The following USP2 variants were observed in gnomAD, a reference collection of about 807,000 sequenced individuals.
The protein encoded by USP2 is ubiquitin carboxyl-terminal hydrolase 2.
A neutral mutation model predicts 72.0 loss-of-function variants in USP2; 33 were observed. The ratio of observed to expected loss-of-function variants is 0.46; its 90% CI spans 0.35 to 0.61. The LOEUF (loss-of-function observed/expected upper bound fraction) is 0.61, where lower values mean the gene tolerates loss of function less well. Ranked by LOEUF, USP2 falls within the 20% of genes least tolerant of loss-of-function variation. The pLI, the probability that USP2 is intolerant of heterozygous loss-of-function variation, is 0.01. For synonymous variants in USP2, 296 were observed against 312.5 expected, an observed-to-expected ratio of 0.95 and a Z score of 0.56; for missense variants, 691 against 797.8, an observed-to-expected ratio of 0.87 and a Z score of 1.61.
At chr11:119,378,876 C>G (rs890356862) in intron 1 of USP2, 11 of 573,866 alleles carry the variant, frequency 1.9e-5, no homozygotes, top group Non-Finnish European at 2.4e-5. Context: ...TCCGGAGGAG[C>G]CTTTGGTCTT....
chr11:119,369,968 C>T (rs1399100296), intron 2 of USP2, among the ~76,000 whole-genome samples: 1 of 152,058 alleles, frequency 6.6e-6, no homozygotes, highest in African/African-American at 2.4e-5. Context: ...CACCTGAGGT[C>T]AGTTCAAGAC....
chr11:119,376,207 G>A (rs956327185), intron 1 of USP2: 44 of 985,488 alleles, frequency 4.5e-5, no homozygotes, highest in Non-Finnish European at 5.2e-5. Context: ...GCCTGGGTTG[G>A]TGCCCCTTGG....
At chr11:119,359,489 G>C in intron 4 of USP2, 48 bp downstream of exon 4, 5 of 1,610,916 alleles carry the variant, frequency 3.1e-6, no homozygotes, top group Non-Finnish European at 4.2e-6. Flanking sequence ...CAGTGGAGTG[G>C]AGGAGCATCC....
intron 2 of USP2, among the ~76,000 whole-genome samples, chr11:119,369,584 C>G (rs904751174): frequency 6.6e-6 from 1 of 152,138 alleles, no homozygotes; most frequent in African/African-American, 2.4e-5. Context: ...TCTATGATCT[C>G]TTTTCCCCCC....
At chr11:119,367,604 C>G (rs78312300) in intron 2 of USP2, among the ~76,000 whole-genome samples, 1 of 152,156 alleles carries the variant, frequency 6.6e-6, no homozygotes, top group African/African-American at 2.4e-5. Flanking sequence ...TCAGCCCATC[C>G]TCCCCACTCT....
intron 1 of USP2, chr11:119,378,994 G>A (rs1240912158): frequency 4.1e-6 from 4 of 985,308 alleles, no homozygotes; most frequent in Non-Finnish European, 4.8e-6. Flanking sequence ...ATACCAAAGG[G>A]GCAGCTACTG....
In USP2 at chr11:119,356,755, G is replaced by T; in HGVS notation, c.*80C>A. On this transcript the variant is annotated 3_prime_UTR_variant, in exon 13 of 13. Coordinates refer to ENST00000260187, the MANE Select transcript of USP2 (RefSeq NM_004205.5). The stretch of plus-strand genomic sequence containing the variant: ...CTTGTCAGGTTTGTGTGTTGTTGTT[G>T]TTGTTTTGTTTTTGTCTTTTTAAAA... 1 of 1,334,740 alleles carries T rather than the reference G, an allele frequency of 7.5e-7. No individual in the cohort carries two copies. The highest frequency in any genetic ancestry group is 1.0e-6 in the Non-Finnish European group (1 of 980,218). The allele number at this position is 1,334,740 out of a possible 1,614,324, so 82.7% of individuals were successfully genotyped here. A position where few individuals can be genotyped will look rare whatever the true frequency, so the allele number is the denominator to read the frequency against.
At chr11:119,365,180 G>A (rs1321827259) in intron 2 of USP2, among the ~76,000 whole-genome samples, 1 of 152,180 alleles carries the variant, frequency 6.6e-6, no homozygotes, top group Non-Finnish European at 1.5e-5. Context: ...CCAAGAGGCA[G>A]CAGTGTATGC....
At chr11:119,369,931 C>T (rs905921632) in intron 2 of USP2, among the ~76,000 whole-genome samples, 11 of 152,152 alleles carry the variant, frequency 7.2e-5, no homozygotes, top group Admixed American at 2.0e-4. Flanking sequence ...GTAATCTCAG[C>T]GCTTTGGGAG....
chr11:119,361,976 G>A (rs1950771684), intron 2 of USP2, among the ~76,000 whole-genome samples: 1 of 152,198 alleles, frequency 6.6e-6, no homozygotes, highest in Non-Finnish European at 1.5e-5. Context: ...CGCTGCAAAA[G>A]TCTCCATGTT....
At chr11:119,368,877 G>A (rs1395421463) in intron 2 of USP2, among the ~76,000 whole-genome samples, 2 of 152,238 alleles carry the variant, frequency 1.3e-5, no homozygotes, top group African/African-American at 4.8e-5. Flanking sequence ...CGGGCAGAAT[G>A]CCAGGGCTAG....
At chr11:119,360,936 ATTTG>A (rs1950753518) in intron 2 of USP2, among the ~76,000 whole-genome samples, 1 of 152,210 alleles carries the variant, frequency 6.6e-6, no homozygotes, top group Non-Finnish European at 1.5e-5. Context: ...AATGACCTAT[ATTTG>A]TACTCCTAGA....
At chr11:119,357,099 G>GCATTAAAAAA (rs1950672479) in intron 12 of USP2, 88 bp downstream of exon 12, 1 of 1,239,320 alleles carries the variant, frequency 8.1e-7, no homozygotes, top group Admixed American at 2.5e-5. Flanking sequence ...CGGGGGGTGG[G>GCATTAAAAAA]AGGGGGGTGG....
chr11:119,374,614 C>T (rs1036536654), intron 1 of USP2, among the ~76,000 whole-genome samples: 2 of 152,194 alleles, frequency 1.3e-5, no homozygotes, highest in African/African-American at 2.4e-5. Flanking sequence ...TTACCTCCCC[C>T]GCATCAGATT....
chr11:119,357,773 T>C lies in USP2; in HGVS notation c.1485A>G (p.Pro495=). The change falls in exon 10 of 13, where the codon CCA becomes CCG. Residue 495 remains proline, a synonymous_variant. Coordinates refer to ENST00000260187, the MANE Select transcript of USP2 (RefSeq NM_004205.5). ...TAAGGATACGGAGCACCAAGATCTT[T>C]GGGAACCTCTGGATGGAGAACTTCT... The part of the protein sequence containing the change: ...CIKKFSIQRF[P]KILVLHLKRF... The C allele has an allele frequency of 6.2e-7, 1 of 1,613,988 alleles. No individual in the cohort carries two copies. The highest frequency in any genetic ancestry group is 8.5e-7 in the Non-Finnish European group (1 of 1,180,044).
At chr11:119,372,565 G>T in intron 2 of USP2, 142 bp downstream of exon 2, 1 of 902,052 alleles carries the variant, frequency 1.1e-6, no homozygotes, top group African/African-American at 1.7e-5. Flanking sequence ...CACCAGATGT[G>T]CCAGGATGAC....
chr11:119,379,395 A>G lies in USP2; in HGVS notation c.-42+2078T>C, dbSNP rs192342386. ...GGTGGGGGTGGAACTTGAGACAAAA[A>G]TATGGAGAAAGTGGATTTTCCAGAG... On this transcript the variant is annotated intron_variant, in intron 1 of 12. Transcript: ENST00000260187. 1.2e-4 allele frequency: 101 copies of G among 809,552 alleles called. No individual in the cohort carries two copies. In the African/African-American group the frequency reaches 1.8e-3, roughly 14 times the overall value. The allele number at this position is 809,552 out of a possible 1,614,324, so 50.1% of individuals were successfully genotyped here.
chr11:119,363,544 C>T (rs1950799488), intron 2 of USP2, among the ~76,000 whole-genome samples: 1 of 152,046 alleles, frequency 6.6e-6, no homozygotes, highest in African/African-American at 2.4e-5. Flanking sequence ...CAAGGTTATG[C>T]TTTCCTGCAC....
Position 119,355,620 on chromosome 11 carries a change from C to T in USP2, c.*1215G>A, listed in dbSNP as rs1454976246. 6.6e-6 allele frequency: 1 copy of T among 152,198 alleles called. No homozygotes were observed. Among genetic ancestry groups the T allele is most frequent in the Non-Finnish European group, 1.5e-5 (1 of 68,080 alleles). The allele number at this position is 152,198 out of a possible 1,614,324, so 9.4% of individuals were successfully genotyped here. On this transcript the variant is annotated 3_prime_UTR_variant, in exon 13 of 13. Transcript: ENST00000260187. ...GCGCTAAGAAGAGCTGAGGGGTGGC[C>T]TGGGCATCCCTGAGAAACTCGGTCC...
Sources: gnomAD v4.1 joint callset for allele counts (sites outside exome capture counted in the v4.1 genomes callset) on GRCh38, gnomAD v4.1.1 for gene constraint, MANE v1.5 for transcripts, NCBI Gene and HGNC (gene_info 2026-07-23, HGNC 2026-07-21) for gene names.